The following ZCCHC7 variants were observed in gnomAD, a reference collection of about 807,000 sequenced individuals.
ZCCHC7 encodes the protein zinc finger CCHC-type containing 7.
Under a neutral mutation model 52.0 loss-of-function variants are expected in ZCCHC7, and 35 were observed. That is an observed-to-expected ratio of 0.67 (90% CI 0.51 to 0.89). The LOEUF (loss-of-function observed/expected upper bound fraction) is 0.89, where lower values mean the gene tolerates loss of function less well. Ranked by LOEUF, ZCCHC7 falls within the 40% of genes least tolerant of loss-of-function variation. The pLI is 0.00. For missense variants in ZCCHC7, 574 were observed against 649.1 expected (o/e 0.88, Z 1.26); for synonymous variants, 217 against 221.5 (o/e 0.98, Z 0.18).
intron 2 of ZCCHC7, among the ~76,000 whole-genome samples, chr9:37,172,872 G>A (rs1189872988): frequency 1.4e-5 from 2 of 145,100 alleles, no homozygotes; most frequent in African/African-American, 5.2e-5. Flanking sequence ...CATGGGCATT[G>A]CAATAGGGAC....
At chr9:37,120,767 G>A in intron 1 of ZCCHC7, 144 bp downstream of exon 1, 1 of 339,550 alleles carries the variant, frequency 2.9e-6, no homozygotes, top group East Asian at 4.3e-5. Flanking sequence ...GTGGCAGGGC[G>A]CAGCTCCTGG....
At chr9:37,286,838 G>C (rs1217934710) in intron 2 of ZCCHC7, among the ~76,000 whole-genome samples, 1 of 7,078 alleles carries the variant, frequency 1.4e-4, no homozygotes, top group Non-Finnish European at 2.3e-4. Flanking sequence ...GCTTCCCTCG[G>C]TCCCTCCCTC....
chr9:37,138,748 A>G (rs571757118), intron 2 of ZCCHC7, among the ~76,000 whole-genome samples: 4 of 151,416 alleles, frequency 2.6e-5, no homozygotes, highest in African/African-American at 7.2e-5. Context: ...TAGATGGGCA[A>G]CATTTTCTTC....
At chr9:37,233,195 C>A (rs1435086360) in intron 2 of ZCCHC7, among the ~76,000 whole-genome samples, 1 of 152,104 alleles carries the variant, frequency 6.6e-6, no homozygotes, top group Non-Finnish European at 1.5e-5. Context: ...TTTAATAAGC[C>A]ATACCCACCA....
In ZCCHC7 at chr9:37,270,906, TAAAAG is replaced by T. The variant is rs565622970; in HGVS notation, c.611-31278_611-31274del. Among the ~76,000 whole-genome samples the T allele has an allele frequency of 1.4e-4, 22 of 152,176 alleles. 1 individual carries two copies. The South Asian group carries it at 4.1e-3, about 29-fold the overall frequency. On this transcript the variant is annotated intron_variant, in intron 2 of 8. Coordinates refer to ENST00000336755, the MANE Select transcript of ZCCHC7 (RefSeq NM_032226.3). ...ACTCTTTCTGTATAACTCAAATTCTTAAAAGAAACCCTTGATATATAGTGTCAATT... is the reference window on the plus strand; with the variant it reads ...ACTCTTTCTGTATAACTCAAATTCTTAAACCCTTGATATATAGTGTCAATT...
At chr9:37,133,637 G>C (rs1044434590) in intron 2 of ZCCHC7, among the ~76,000 whole-genome samples, 1 of 152,126 alleles carries the variant, frequency 6.6e-6, no homozygotes, top group African/African-American at 2.4e-5. Context: ...CACCCAGCCT[G>C]GAGTGCGGTG....
At chr9:37,329,208 C>T (rs1230840104) in intron 6 of ZCCHC7, among the ~76,000 whole-genome samples, 2 of 151,600 alleles carry the variant, frequency 1.3e-5, no homozygotes, top group East Asian at 3.9e-4. Flanking sequence ...TAAACAATTC[C>T]AATCTTGAAG....
At chr9:37,135,481 A>G (rs1842958767) in intron 2 of ZCCHC7, among the ~76,000 whole-genome samples, 1 of 152,204 alleles carries the variant, frequency 6.6e-6, no homozygotes, top group Admixed American at 6.5e-5. Context: ...TAAGAGTTGA[A>G]GAAACCATAT....
chr9:37,337,907 G>A (rs1830752114), intron 6 of ZCCHC7, among the ~76,000 whole-genome samples: 1 of 152,160 alleles, frequency 6.6e-6, no homozygotes, highest in South Asian at 2.1e-4. Flanking sequence ...AATTAAAATA[G>A]ACGGAGGGAT....
intron 2 of ZCCHC7, among the ~76,000 whole-genome samples, chr9:37,188,538 TTACCCTCCCCCCTCACCTCCCCC>T: frequency 2.3e-5 from 1 of 43,766 alleles, no homozygotes; most frequent in East Asian, 8.8e-4. Flanking sequence ...CCCCTCCTTA[TTACCCTCCCCCCTCACCTCCCCC>T]TACCCTCCCC....
intron 2 of ZCCHC7, among the ~76,000 whole-genome samples, chr9:37,254,084 G>C (rs1031479861): frequency 5.3e-5 from 8 of 151,964 alleles, no homozygotes; most frequent in African/African-American, 1.9e-4. Context: ...ACCCATTAAT[G>C]ATGGTGTGAG....
rs60251308 is a variant in ZCCHC7, at chr9:37,280,746, GTCTC to G, written c.611-21430_611-21427del. On this transcript the variant is annotated intron_variant, in intron 2 of 8. Transcript: ENST00000336755. Reference sequence around the variant, plus strand: ...CAGATGATTCTCTGATTTTCTCTCTGTCTCTCTCTCTCTCTTTCTTTCTCTTTGT... The same window carrying G: ...CAGATGATTCTCTGATTTTCTCTCTGTCTCTCTCTCTTTCTTTCTCTTTGT... Among the ~76,000 whole-genome samples the G allele has an allele frequency of 6.0e-5, 9 of 151,126 alleles. No homozygotes were observed. The South Asian group carries it at 1.3e-3, about 21-fold the overall frequency.
chr9:37,234,391 A>G (rs1283976140), intron 2 of ZCCHC7, among the ~76,000 whole-genome samples: 1 of 152,260 alleles, frequency 6.6e-6, no homozygotes, highest in African/African-American at 2.4e-5. Context: ...TGTCTCAGAC[A>G]GAGATAGTAT....
chr9:37,127,401 T>C (rs986639943), intron 2 of ZCCHC7, among the ~76,000 whole-genome samples: 1 of 152,060 alleles, frequency 6.6e-6, no homozygotes, highest in Non-Finnish European at 1.5e-5. Context: ...ACAGAATATA[T>C]GGAATTAGTG....
intron 1 of ZCCHC7, among the ~76,000 whole-genome samples, chr9:37,123,886 G>A (rs2132670592): frequency 6.6e-6 from 1 of 152,324 alleles, no homozygotes; most frequent in East Asian, 1.9e-4. Context: ...CAATTTGTGT[G>A]ACAGTAACAG....
chr9:37,233,234 A>G (rs1478481816), intron 2 of ZCCHC7, among the ~76,000 whole-genome samples: 3 of 152,136 alleles, frequency 2.0e-5, no homozygotes. Flanking sequence ...AGCATATCTT[A>G]AGCTTGTTCT....
intron 5 of ZCCHC7, among the ~76,000 whole-genome samples, chr9:37,306,842 C>G (rs1014045758): frequency 8.4e-6 from 1 of 118,450 alleles, no homozygotes; most frequent in Non-Finnish European, 1.6e-5. Flanking sequence ...GGCTAGAGTG[C>G]AGTGGCATGA....
intron 2 of ZCCHC7, among the ~76,000 whole-genome samples, chr9:37,134,009 C>T (rs1442613178): frequency 6.6e-6 from 1 of 152,106 alleles, no homozygotes; most frequent in Non-Finnish European, 1.5e-5. Flanking sequence ...CAGGTGTGAG[C>T]CACCGTGCCC....
At chr9:37,308,763 G>A (rs970607795) in intron 5 of ZCCHC7, among the ~76,000 whole-genome samples, 3 of 151,892 alleles carry the variant, frequency 2.0e-5, no homozygotes, top group Non-Finnish European at 4.4e-5. Context: ...GGTGGATCAC[G>A]AGGTCAAGAG....
Sources: allele counts gnomAD v4.1 joint callset (sites outside exome capture counted in the v4.1 genomes callset), GRCh38; gene constraint gnomAD v4.1.1; transcripts MANE v1.5; gene names NCBI Gene and HGNC (gene_info 2026-07-23, HGNC 2026-07-21).